METRNL: variants seen among roughly 807,000 people sequenced by gnomAD.
METRNL encodes meteorin-like protein.
METRNL carries 9 observed loss-of-function variants against 17.4 expected under a neutral mutation model. The observed-to-expected ratio is 0.52, with a 90% CI of 0.31 to 0.90. The LOEUF is 0.90. Ranked by LOEUF, METRNL falls within the 40% of genes least tolerant of loss-of-function variation. METRNL has a pLI of 0.05. For synonymous variants in METRNL, 215 were observed against 199.3 expected (o/e 1.08, Z -0.66); for missense variants, 408 against 430.7 (o/e 0.95, Z 0.47).
At chr17:83,094,151 C>A in intron 3 of METRNL, 105 bp from the exon 4 acceptor site, 1 of 961,230 alleles carries the variant, frequency 1.0e-6, no homozygotes, top group South Asian at 1.8e-5. Context: ...CGGGGGTCAG[C>A]TGCCCGTTCC....
chr17:83,084,777 C>T (rs2038030129), intron 1 of METRNL, 161 bp from the exon 2 acceptor site: 1 of 858,514 alleles, frequency 1.2e-6, no homozygotes, highest in East Asian at 2.7e-5. Flanking sequence ...CGCCGGCCTG[C>T]CTCACGGGCA....
chr17:83,092,055 C>G (rs1344068072), intron 2 of METRNL, among the ~76,000 whole-genome samples: 1 of 152,210 alleles, frequency 6.6e-6, no homozygotes. Flanking sequence ...TTGGGAAAGC[C>G]TGGTTTGGCC....
chr17:83,085,843 T>G (rs888428806), intron 2 of METRNL, among the ~76,000 whole-genome samples: 10 of 152,224 alleles, frequency 6.6e-5, no homozygotes, highest in Non-Finnish European at 1.2e-4. Context: ...GTGTCTGTGG[T>G]GTCGGCTAAA....
At chr17:83,090,930 C>T (rs2038126205) in intron 2 of METRNL, among the ~76,000 whole-genome samples, 5 of 152,164 alleles carry the variant, frequency 3.3e-5, no homozygotes, top group Admixed American at 3.3e-4. Flanking sequence ...GGTCTGCAGA[C>T]CCCCAGCCGG....
chr17:83,091,204 A>G (rs988431036), intron 2 of METRNL, among the ~76,000 whole-genome samples: 1 of 151,444 alleles, frequency 6.6e-6, no homozygotes, highest in Non-Finnish European at 1.5e-5. Context: ...GCCAGGCTGG[A>G]CCGGCCTCGA....
At chr17:83,080,086 G>C in intron 1 of METRNL, 101 bp downstream of exon 1, 1 of 647,312 alleles carries the variant, frequency 1.5e-6, no homozygotes, top group Non-Finnish European at 1.9e-6. Flanking sequence ...GGGCGGGCGC[G>C]GGGCAGGGGC....
chr17:83,086,647 T>G (rs2038055938), intron 2 of METRNL, among the ~76,000 whole-genome samples: 2 of 152,188 alleles, frequency 1.3e-5, no homozygotes, highest in Non-Finnish European at 2.9e-5. Context: ...ACATTCTTTC[T>G]GCTGATTAAA....
At chr17:83,086,362 C>T (rs934777316) in intron 2 of METRNL, among the ~76,000 whole-genome samples, 11 of 152,218 alleles carry the variant, frequency 7.2e-5, no homozygotes, top group Admixed American at 2.6e-4. Context: ...TCAGACTGCC[C>T]CTTGGGCCTC....
chr17:83,081,557 G>C (rs1333968815), intron 1 of METRNL, among the ~76,000 whole-genome samples: 1 of 152,166 alleles, frequency 6.6e-6, no homozygotes, highest in African/African-American at 2.4e-5. Flanking sequence ...TGACAGCAGC[G>C]GGACAGGAGT....
rs911989300 is a variant in METRNL at position 83,079,775 on chromosome 17, G to T, written c.-41G>T. On this transcript the variant is annotated 5_prime_UTR_variant, in exon 1 of 4. Coordinates refer to ENST00000320095, the MANE Select transcript of METRNL (RefSeq NM_001004431.3). Reference sequence around the variant, plus strand: ...GCCGGCTCCGGGGTCTGCTCCGGGGGTCGCGGACGCGGGGCCGGGCGGCGG... The same window carrying T: ...GCCGGCTCCGGGGTCTGCTCCGGGGTTCGCGGACGCGGGGCCGGGCGGCGG... The T allele has an allele frequency of 4.2e-6, 4 of 959,894 alleles. No individual in the cohort carries two copies. In the South Asian group the frequency reaches 1.9e-4, roughly 46 times the overall value. The allele number at this position is 959,894 out of a possible 1,614,324, so 59.5% of individuals were successfully genotyped here.
At chr17:83,087,580 C>T (rs1161311056) in intron 2 of METRNL, among the ~76,000 whole-genome samples, 5 of 152,232 alleles carry the variant, frequency 3.3e-5, no homozygotes, top group Non-Finnish European at 5.9e-5. Flanking sequence ...GGCCCCTAAG[C>T]CTTTAATGCT....
intron 3 of METRNL, among the ~76,000 whole-genome samples, chr17:83,093,651 G>A (rs763450260): frequency 3.2e-4 from 48 of 152,292 alleles, no homozygotes; most frequent in South Asian, 6.2e-4. Flanking sequence ...GGCCCCCGGC[G>A]GCTCTGCGGC....
At chr17:83,082,037 C>T in intron 1 of METRNL, 2 of 980,760 alleles carry the variant, frequency 2.0e-6, no homozygotes, top group Non-Finnish European at 2.4e-6. Flanking sequence ...GCCACTGCAT[C>T]GACGGCCTCT....
chr17:83,085,837 C>T (rs2038046951), intron 2 of METRNL, among the ~76,000 whole-genome samples: 1 of 152,240 alleles, frequency 6.6e-6, no homozygotes, highest in Non-Finnish European at 1.5e-5. Context: ...GGCTGGGTGT[C>T]TGTGGTGTCG....
intron 1 of METRNL, among the ~76,000 whole-genome samples, chr17:83,082,914 A>G (rs778376047): frequency 6.6e-5 from 10 of 152,176 alleles, no homozygotes; most frequent in Non-Finnish European, 1.5e-4. Flanking sequence ...GTCTGGTTGG[A>G]GTCCCGTTGG....
At chr17:83,083,549 A>G (rs534650064) in intron 1 of METRNL, among the ~76,000 whole-genome samples, 1 of 152,124 alleles carries the variant, frequency 6.6e-6, no homozygotes, top group South Asian at 2.1e-4. Context: ...TGTGAGCTTT[A>G]TGGGCTGTAA....
rs62074705 is a variant in METRNL at position 83,085,102 on chromosome 17, C to G, written c.335C>G (p.Thr112Arg). 1 of 1,613,824 alleles carries G rather than the reference C, an allele frequency of 6.2e-7. No homozygotes were observed. Among genetic ancestry groups the G allele is most frequent in the Non-Finnish European group, 8.5e-7 (1 of 1,180,022 alleles). Residue 112 changes from threonine (T) to arginine (R), a missense_variant, in exon 2 of 4, where the codon ACG becomes AGG. Physicochemically the swap from Thr to Arg is moderately conservative, Grantham distance 71. Transcript: ENST00000320095. ...CTGACCGTGTGCATCAGGTCCTTCACGGACTCCTCGGGGGCCAATATTTAT... is the reference window on the plus strand; with the variant it reads ...CTGACCGTGTGCATCAGGTCCTTCAGGGACTCCTCGGGGGCCAATATTTAT... ...RHLTVCIRSF[T>R]DSSGANIYLE... is the part of the protein sequence containing the mutation.
chr17:83,092,951 G>A lies in METRNL; in HGVS notation c.557-216G>A, dbSNP rs569505845. Among the ~76,000 whole-genome samples, 19 of 152,288 alleles carry A rather than the reference G, an allele frequency of 1.2e-4. No individual in the cohort carries two copies. In the East Asian group the frequency reaches 2.7e-3, roughly 22 times the overall value. ...GGGGTCCCCTGGGTGAGACCCCGTC[G>A]TGGTCGAGGTTGTGTTTTCTGTCTC... On this transcript the variant is annotated intron_variant, in intron 2 of 3. Coordinates refer to ENST00000320095, the MANE Select transcript of METRNL (RefSeq NM_001004431.3).
In METRNL at chr17:83,082,056, G is replaced by T. The variant is rs146160498; in HGVS notation, c.170+2071G>T. 735 of 985,168 alleles carry T rather than the reference G, an allele frequency of 7.5e-4. 5 individuals carry two copies. In the African/African-American group the frequency reaches 9.0e-3, roughly 12 times the overall value. 61.0% of individuals were successfully genotyped at this position (985,168 alleles called of 1,614,324 possible). A position where few individuals can be genotyped will look rare whatever the true frequency, so the allele number is the denominator to read the frequency against. On this transcript the variant is annotated intron_variant, in intron 1 of 3. Transcript: ENST00000320095. Reference sequence around the variant, plus strand: ...CTGCATCGACGGCCTCTGTTGCTGGGTGTTTCTTCTAAGCAGTTAAGTAGG... The same window carrying T: ...CTGCATCGACGGCCTCTGTTGCTGGTTGTTTCTTCTAAGCAGTTAAGTAGG...
Sources: gnomAD v4.1 joint callset for allele counts (sites outside exome capture counted in the v4.1 genomes callset) on GRCh38, gnomAD v4.1.1 for gene constraint, MANE v1.5 for transcripts, NCBI Gene and HGNC (gene_info 2026-07-23, HGNC 2026-07-21) for gene names.